KCNQ1: variants seen among roughly 807,000 people sequenced by gnomAD.
KCNQ1 encodes the protein potassium voltage-gated channel subfamily Q member 1.
In KCNQ1, 49 loss-of-function variants were observed where a neutral mutation model predicts 72.4. The ratio of observed to expected loss-of-function variants is 0.68; its 90% CI spans 0.54 to 0.86. KCNQ1 has a LOEUF of 0.86. Among genes scored for constraint, KCNQ1 ranks in the 40% least tolerant of loss-of-function variants. The pLI, the probability that KCNQ1 is intolerant of heterozygous loss-of-function variation, is 0.00. For missense variants in KCNQ1, 790 were observed against 945.1 expected, an observed-to-expected ratio of 0.84 and a Z score of 2.15; for synonymous variants, 450 against 412.6, an observed-to-expected ratio of 1.09 and a Z score of -1.10.
rs1187356455 is a variant in KCNQ1, at chr11:2,598,663, C to A, written c.1393+9809C>A. On this transcript the variant is annotated intron_variant, in intron 10 of 15. Coordinates refer to ENST00000155840, the MANE Select transcript of KCNQ1 (RefSeq NM_000218.3). This position sits in a 1 kb window ranked among gnomAD's most constrained non-coding sequence, Gnocchi z 6.2. Reference sequence around the variant, plus strand: ...AAATTCTGAGACAGGAAAATTAAATCTTCCTGTACAATTATGTTTCTAAAA... The same window carrying A: ...AAATTCTGAGACAGGAAAATTAAATATTCCTGTACAATTATGTTTCTAAAA... Among the ~76,000 whole-genome samples, 1 of 151,440 alleles carries A rather than the reference C, an allele frequency of 6.6e-6. No individual in the cohort carries two copies. Among genetic ancestry groups the A allele is most frequent in the East Asian group, 1.9e-4 (1 of 5,154 alleles).
rs1373410456 is a variant in KCNQ1, at chr11:2,550,001, G to C, written c.478-20627G>C. 6.6e-6 allele frequency among the ~76,000 whole-genome samples: 1 copy of C among 152,354 alleles called. No homozygotes were observed. The highest frequency in any genetic ancestry group is 1.9e-4 in the East Asian group (1 of 5,178). ...TAGACCCAGAGACGGGGAGGCCAGG[G>C]TGCAGGGGACTGTTTGGGCCTCGAG... On this transcript the variant is annotated intron_variant, in intron 2 of 15. Transcript: ENST00000155840. The surrounding 1 kb of genome is among the most constrained non-coding windows in gnomAD (Gnocchi z 6.0).
At chr11:2,576,488 G>A (rs1485581526) in intron 6 of KCNQ1, among the ~76,000 whole-genome samples, 4 of 152,228 alleles carry the variant, frequency 2.6e-5, no homozygotes, top group East Asian at 1.9e-4. Flanking sequence ...TCTGTTCAGC[G>A]CCCGGGGGTC....
At chr11:2,705,094 A>G (rs1207268878) in intron 11 of KCNQ1, among the ~76,000 whole-genome samples, 2 of 152,148 alleles carry the variant, frequency 1.3e-5, no homozygotes, top group African/African-American at 4.8e-5. Context: ...GGAATCCCCC[A>G]TTCCAGGACA....
At position 2,816,031 on chromosome 11, in the gene KCNQ1, G is replaced by T. The variant is rs1464814634; in HGVS notation, c.1795-31736G>T. ...AGTGTGCACACAGTCCTGGGTGAGGGCTCCGTTAGATGAATGTGGACGGCT... is the reference window on the plus strand; with the variant it reads ...AGTGTGCACACAGTCCTGGGTGAGGTCTCCGTTAGATGAATGTGGACGGCT... On this transcript the variant is annotated intron_variant, in intron 15 of 15. Transcript: ENST00000155840. This position sits in a 1 kb window ranked among gnomAD's most constrained non-coding sequence, Gnocchi z 6.8. Among the ~76,000 whole-genome samples the T allele has an allele frequency of 6.6e-6, 1 of 152,212 alleles. No individual in the cohort carries two copies. The highest frequency in any genetic ancestry group is 1.5e-5 in the Non-Finnish European group (1 of 68,044).
chr11:2,611,908 C>G lies in KCNQ1; in HGVS notation c.1393+23054C>G, dbSNP rs1222788240. On this transcript the variant is annotated intron_variant, in intron 10 of 15. Transcript: ENST00000155840. This position sits in a 1 kb window ranked among gnomAD's most constrained non-coding sequence, Gnocchi z 5.3. ...GTAATCTGGAGGTTACAATAAGCAG[C>G]TTAAGCAAAAACAATCTGCTTCAGG... is the stretch of plus-strand genomic sequence containing the variant. The G allele has an allele frequency of 5.0e-6, 2 of 398,354 alleles. No individual in the cohort carries two copies. The highest frequency in any genetic ancestry group is 8.8e-6 in the Non-Finnish European group (2 of 226,040). The allele number at this position is 398,354 out of a possible 1,614,324, so 24.7% of individuals were successfully genotyped here.
At chr11:2,797,884 C>G (rs1289866911) in intron 15 of KCNQ1, among the ~76,000 whole-genome samples, 1 of 152,192 alleles carries the variant, frequency 6.6e-6, no homozygotes, top group Non-Finnish European at 1.5e-5. Context: ...CCTTTGGGCA[C>G]CTGCCCTGCG....
intron 15 of KCNQ1, among the ~76,000 whole-genome samples, chr11:2,835,428 C>CGCACACAT (rs1279466952): frequency 6.7e-6 from 1 of 150,172 alleles, no homozygotes; most frequent in African/African-American, 2.5e-5. Flanking sequence ...CACACACACA[C>CGCACACAT]GCACACATGC....
rs1202988317 is a variant in KCNQ1 at position 2,589,779 on chromosome 11, C to T, written c.1393+925C>T. 2.6e-5 allele frequency among the ~76,000 whole-genome samples: 4 copies of T among 152,222 alleles called. No individual in the cohort carries two copies. The East Asian group carries it at 7.7e-4, about 29-fold the overall frequency. On this transcript the variant is annotated intron_variant, in intron 10 of 15. Coordinates refer to ENST00000155840, the MANE Select transcript of KCNQ1 (RefSeq NM_000218.3). ...ACCTGTGGTGATGCCAGGGCATCAG[C>T]GCTTGGCCTCCCCACACTGCTCCAG...
chr11:2,573,447 G>A (rs558676626), intron 6 of KCNQ1, among the ~76,000 whole-genome samples: 2 of 152,326 alleles, frequency 1.3e-5, no homozygotes, highest in East Asian at 1.9e-4. Flanking sequence ...TCCCCAAGGA[G>A]CCAGACATGA....
In KCNQ1 at chr11:2,641,830, A is replaced by C. The variant is rs1434104935; in HGVS notation, c.1394-20131A>C. 7 of 398,286 alleles carry C rather than the reference A, an allele frequency of 1.8e-5. 1 individual carries two copies. The highest frequency in any genetic ancestry group is 2.5e-4 in the South Asian group (2 of 7,866). 24.7% of individuals were successfully genotyped at this position (398,286 alleles called of 1,614,324 possible). A position where few individuals can be genotyped will look rare whatever the true frequency, so the allele number is the denominator to read the frequency against. On this transcript the variant is annotated intron_variant, in intron 10 of 15. Transcript: ENST00000155840. ...TGATTTTAGTATAGCAAGAGATAGA[A>C]ACGGTTTCATTTTTCACATGGATAT...
intron 11 of KCNQ1, among the ~76,000 whole-genome samples, chr11:2,718,859 A>G (rs576045310): frequency 6.6e-6 from 1 of 152,362 alleles, no homozygotes; most frequent in Non-Finnish European, 1.5e-5. Flanking sequence ...CCGGGTCATT[A>G]CTGGGCCTGT....
At chr11:2,474,199 T>C (rs1846535870) in intron 1 of KCNQ1, among the ~76,000 whole-genome samples, 1 of 151,850 alleles carries the variant, frequency 6.6e-6, no homozygotes, top group Non-Finnish European at 1.5e-5. Context: ...GCGTTGGGGG[T>C]AGTCAGGGTC....
At chr11:2,742,858 C>T (rs574245281) in intron 11 of KCNQ1, among the ~76,000 whole-genome samples, 1 of 152,282 alleles carries the variant, frequency 6.6e-6, no homozygotes, top group Admixed American at 6.5e-5. Flanking sequence ...AGCAGGCAGA[C>T]CCACAGGAAA....
intron 10 of KCNQ1, chr11:2,641,219 T>C (rs1220440313): frequency 3.8e-5 from 15 of 398,336 alleles, no homozygotes; most frequent in Admixed American, 1.3e-4. Flanking sequence ...ATATTTCTCT[T>C]TTTAGGTTTT....
At chr11:2,702,875 C>T (rs1850841516) in intron 11 of KCNQ1, among the ~76,000 whole-genome samples, 1 of 152,202 alleles carries the variant, frequency 6.6e-6, no homozygotes, top group Non-Finnish European at 1.5e-5. Flanking sequence ...CTCTGCTCCT[C>T]ACCCCCTCGC....
chr11:2,590,073 C>T (rs1032672644), intron 10 of KCNQ1, among the ~76,000 whole-genome samples: 59 of 152,298 alleles, frequency 3.9e-4, no homozygotes, highest in Admixed American at 1.6e-3. Flanking sequence ...ACTGTGATCC[C>T]AAACTGCCAA....
chr11:2,846,498 A>G (rs1679492956), intron 15 of KCNQ1, among the ~76,000 whole-genome samples: 1 of 152,106 alleles, frequency 6.6e-6, no homozygotes, highest in Non-Finnish European at 1.5e-5. Context: ...GTGGCCACCA[A>G]CAGAGCTGTG....
rs1014738783 is a variant in KCNQ1 at position 2,704,442 on chromosome 11, C to T, written c.1514+42361C>T. 2.0e-5 allele frequency among the ~76,000 whole-genome samples: 3 copies of T among 152,210 alleles called. No homozygotes were observed. Among genetic ancestry groups the T allele is most frequent in the African/African-American group, 7.2e-5 (3 of 41,458 alleles). On this transcript the variant is annotated intron_variant, in intron 11 of 15. Coordinates refer to ENST00000155840, the MANE Select transcript of KCNQ1 (RefSeq NM_000218.3). This position sits in a 1 kb window ranked among gnomAD's most constrained non-coding sequence, Gnocchi z 4.3. ...ACCCACAGGTGGCATGGACTCATGT[C>T]CCCACCCAAATCACATCCCCACCAG...
chr11:2,807,564 C>T (rs556682689), intron 15 of KCNQ1, among the ~76,000 whole-genome samples: 61 of 152,320 alleles, frequency 4.0e-4, no homozygotes, highest in African/African-American at 1.4e-3. Context: ...ACTCCCGGGC[C>T]GGGCCCTCCT....
Sources: gnomAD v4.1 joint callset for allele counts (sites outside exome capture counted in the v4.1 genomes callset) on GRCh38, gnomAD v4.1.1 for gene constraint, Gnocchi (gnomAD v3.1) non-coding constraint, MANE v1.5 for transcripts, NCBI Gene and HGNC (gene_info 2026-07-23, HGNC 2026-07-21) for gene names.